GRID1: variants seen among roughly 807,000 people sequenced by gnomAD.
GRID1 encodes glutamate receptor ionotropic, delta-1.
In GRID1, 28 loss-of-function variants were observed where a neutral mutation model predicts 98.0. The observed-to-expected ratio is 0.29, with a 90% CI of 0.21 to 0.39. The LOEUF (loss-of-function observed/expected upper bound fraction) is 0.39. Among genes scored for constraint, GRID1 ranks in the 10% least tolerant of loss-of-function variants. The pLI is 1.00. For missense variants in GRID1, 1,111 were observed against 1,340.5 expected, an observed-to-expected ratio of 0.83 and a Z score of 2.67; for synonymous variants, 553 against 538.5, an observed-to-expected ratio of 1.03 and a Z score of -0.37.
chr10:85,977,061 G>A (rs1042495526), intron 4 of GRID1, among the ~76,000 whole-genome samples: 1 of 152,214 alleles, frequency 6.6e-6, no homozygotes, highest in Admixed American at 6.5e-5. Flanking sequence ...CATGAAACCT[G>A]TGTAGGAGCC....
At chr10:86,014,705 C>T (rs947551720) in intron 4 of GRID1, among the ~76,000 whole-genome samples, 1 of 152,226 alleles carries the variant, frequency 6.6e-6, no homozygotes, top group Non-Finnish European at 1.5e-5. Flanking sequence ...CAGTCAATGG[C>T]TCACTTTCTA....
At chr10:86,154,909 T>C (rs1845223387) in intron 3 of GRID1, among the ~76,000 whole-genome samples, 1 of 151,976 alleles carries the variant, frequency 6.6e-6, no homozygotes, top group African/African-American at 2.4e-5. Context: ...CCCGTCTCAT[T>C]TACTCACCCC....
chr10:85,660,668 T>A (rs1240160303), intron 12 of GRID1, among the ~76,000 whole-genome samples: 1 of 151,876 alleles, frequency 6.6e-6, no homozygotes, highest in Non-Finnish European at 1.5e-5. Flanking sequence ...GTTCTAAACA[T>A]CAAACCTCTT....
At chr10:86,197,213 T>A (rs569387633) in intron 3 of GRID1, among the ~76,000 whole-genome samples, 5 of 151,702 alleles carry the variant, frequency 3.3e-5, no homozygotes, top group African/African-American at 1.2e-4. Flanking sequence ...CAGATGGAAT[T>A]GAAGCAAAGC....
intron 2 of GRID1, among the ~76,000 whole-genome samples, chr10:86,284,979 G>C (rs1033408900): frequency 1.3e-4 from 7 of 53,318 alleles, no homozygotes; most frequent in African/African-American, 6.9e-4. Context: ...CAACAGTAAT[G>C]GGGTTGCTGG....
chr10:85,774,062 T>C (rs1277761149), intron 8 of GRID1, among the ~76,000 whole-genome samples: 1 of 152,314 alleles, frequency 6.6e-6, no homozygotes, highest in African/African-American at 2.4e-5. Context: ...TCACGCTATC[T>C]GACTTCAAAC....
At chr10:86,121,537 A>AT (rs1439796284) in intron 4 of GRID1, among the ~76,000 whole-genome samples, 1 of 152,264 alleles carries the variant, frequency 6.6e-6, no homozygotes, top group Non-Finnish European at 1.5e-5. Context: ...CACCATCATC[A>AT]CCATCACCAT....
chr10:86,307,836 G>A (rs920237242), intron 2 of GRID1, among the ~76,000 whole-genome samples: 1 of 152,186 alleles, frequency 6.6e-6, no homozygotes, highest in African/African-American at 2.4e-5. Context: ...AAAGCTGGAG[G>A]AAAATCAAGT....
At chr10:85,955,744 T>C (rs1362829113) in intron 4 of GRID1, among the ~76,000 whole-genome samples, 1 of 152,154 alleles carries the variant, frequency 6.6e-6, no homozygotes, top group African/African-American at 2.4e-5. Context: ...AGTCAGCACC[T>C]TTCCTGAGCT....
intron 5 of GRID1, among the ~76,000 whole-genome samples, chr10:85,879,394 A>C (rs958517428): frequency 1.6e-4 from 25 of 152,268 alleles, no homozygotes; most frequent in Non-Finnish European, 3.2e-4. Flanking sequence ...CAACAAATGT[A>C]AAAGAACAGA....
intron 12 of GRID1, among the ~76,000 whole-genome samples, chr10:85,669,270 A>G (rs1246493337): frequency 2.6e-5 from 4 of 152,186 alleles, no homozygotes; most frequent in African/African-American, 9.6e-5. Flanking sequence ...TTTCCTATTT[A>G]TTGAGGGGCC....
intron 3 of GRID1, among the ~76,000 whole-genome samples, chr10:86,188,177 T>C (rs767531490): frequency 7.9e-5 from 12 of 152,218 alleles, no homozygotes; most frequent in Non-Finnish European, 1.8e-4. Flanking sequence ...ATTGCACAGA[T>C]GGAAAGATAA....
In GRID1 at chr10:86,203,823, C is replaced by T. The variant is rs1436148992; in HGVS notation, c.520+2541G>A. 2.6e-5 allele frequency among the ~76,000 whole-genome samples: 4 copies of T among 152,054 alleles called. No individual in the cohort carries two copies. In the South Asian group the frequency reaches 6.2e-4, roughly 24 times the overall value. ...ACATGACAGGTCTCTGCCAATCCCT[C>T]TCTTGCACCATGGAAGCCTCACAGA... On this transcript the variant is annotated intron_variant, in intron 3 of 15. Transcript: ENST00000327946.
chr10:86,041,341 C>A (rs573188740), intron 4 of GRID1, among the ~76,000 whole-genome samples: 1 of 152,308 alleles, frequency 6.6e-6, no homozygotes, highest in African/African-American at 2.4e-5. Flanking sequence ...TCTGCTTGCA[C>A]CATTACTGCC....
intron 3 of GRID1, among the ~76,000 whole-genome samples, chr10:86,165,287 C>T (rs1589394140): frequency 6.6e-6 from 1 of 152,336 alleles, no homozygotes; most frequent in African/African-American, 2.4e-5. Flanking sequence ...GAGGCCAAGA[C>T]AAATGGTTGT....
chr10:86,033,151 C>A (rs1483773504), intron 4 of GRID1, among the ~76,000 whole-genome samples: 1 of 151,972 alleles, frequency 6.6e-6, no homozygotes, highest in African/African-American at 2.4e-5. Context: ...AACGAATTGC[C>A]TCTTTGGGCC....
chr10:85,987,832 T>C (rs1328290971), intron 4 of GRID1, among the ~76,000 whole-genome samples: 1 of 151,788 alleles, frequency 6.6e-6, no homozygotes, highest in Non-Finnish European at 1.5e-5. Flanking sequence ...AGCAACACCA[T>C]TTCACATCTT....
In GRID1 at chr10:85,613,547, C is replaced by G. The variant is rs750193115; in HGVS notation, c.2461G>C (p.Ala821Pro). 13 of 1,614,190 alleles carry G rather than the reference C, an allele frequency of 8.1e-6. No individual in the cohort carries two copies. The Admixed American group carries it at 2.2e-4, about 27-fold the overall frequency. The change falls in exon 15 of 16, where the codon GCC becomes CCC. Residue 821 changes from alanine (A) to proline (P), a missense_variant. This residue lies in a region of GRID1 where 762 missense variants were observed against 869.1 expected (regional missense o/e 0.88). Coordinates refer to ENST00000327946, the MANE Select transcript of GRID1 (RefSeq NM_017551.3). ...CDLTSHASAQ[A>P]DGKSLKLHSF... ...TGCAGCTTGAGGGATTTGCCGTCGG[C>G]CTGGGCGCTGGCATGGCTGGTGAGG...
chr10:85,802,446 A>G (rs185081682), intron 8 of GRID1, among the ~76,000 whole-genome samples: 1 of 152,274 alleles, frequency 6.6e-6, no homozygotes, highest in East Asian at 1.9e-4. Context: ...AAATTTGCCT[A>G]TAGAAAACAG....
Sources: allele counts gnomAD v4.1 joint callset (sites outside exome capture counted in the v4.1 genomes callset), GRCh38; gene constraint gnomAD v4.1.1; regional missense constraint gnomAD v4.1.1; transcripts MANE v1.5; gene names NCBI Gene and HGNC (gene_info 2026-07-23, HGNC 2026-07-21).